Variants in DCC observed in about 807,000 individuals in gnomAD.
DCC encodes netrin receptor DCC.
Under a neutral mutation model 172.5 loss-of-function variants are expected in DCC, and 58 were observed. The ratio of observed to expected loss-of-function variants is 0.34; its 90% CI spans 0.27 to 0.42. The LOEUF (loss-of-function observed/expected upper bound fraction) is 0.42, where lower values mean the gene tolerates loss of function less well. Among genes scored for constraint, DCC ranks in the 10% least tolerant of loss-of-function variants. DCC has a pLI of 1.00. For synonymous variants in DCC, 709 were observed against 644.5 expected (o/e 1.10, Z -1.52); for missense variants, 1,740 against 1,791.0 (o/e 0.97, Z 0.51).
chr18:52,758,490 CCT>C (rs2037110376), intron 2 of DCC, among the ~76,000 whole-genome samples: 1 of 151,924 alleles, frequency 6.6e-6, no homozygotes, highest in Non-Finnish European at 1.5e-5. Flanking sequence ...TTAAAATTCC[CCT>C]GTGTTTTTAA....
chr18:53,367,896 G>T (rs1329487652), intron 15 of DCC, among the ~76,000 whole-genome samples: 2 of 152,120 alleles, frequency 1.3e-5, no homozygotes, highest in Non-Finnish European at 2.9e-5. Flanking sequence ...ATATTTCATT[G>T]TATATTGTAC....
In DCC at chr18:53,487,098, A is replaced by C. The variant is rs528419269; in HGVS notation, c.3898+140A>C. The C allele has an allele frequency of 4.5e-5, 53 of 1,177,252 alleles. No homozygotes were observed. In the East Asian group the frequency reaches 1.4e-3, roughly 30 times the overall value. The allele number at this position is 1,177,252 out of a possible 1,614,324, so 72.9% of individuals were successfully genotyped here. On this transcript the variant is annotated intron_variant, in intron 26 of 28. Coordinates refer to ENST00000442544, the MANE Select transcript of DCC (RefSeq NM_005215.4). The stretch of plus-strand genomic sequence containing the variant: ...TGGTACTAGAATGTTCCTTTCCAAC[A>C]CAGTGCTTTGGATCCTAGCTCATGT...
At chr18:52,997,714 T>A (rs2041503863) in intron 5 of DCC, among the ~76,000 whole-genome samples, 1 of 152,126 alleles carries the variant, frequency 6.6e-6, no homozygotes, top group African/African-American at 2.4e-5. Context: ...TGAAAACTAA[T>A]TTTACAAAGG....
intron 1 of DCC, among the ~76,000 whole-genome samples, chr18:52,565,446 C>A (rs996765240): frequency 1.3e-5 from 2 of 152,172 alleles, no homozygotes; most frequent in East Asian, 1.9e-4. Flanking sequence ...AACTAATTTA[C>A]ACTCCCACCA....
At chr18:52,585,175 A>G (rs62083394) in intron 1 of DCC, among the ~76,000 whole-genome samples, 10,406 of 152,308 alleles carry the variant, frequency 0.068, 443 homozygotes, top group Middle Eastern at 0.11. Flanking sequence ...CTGGTAACCA[A>G]CATGGAAACC....
chr18:52,896,574 T>A (rs1022253345), intron 2 of DCC, among the ~76,000 whole-genome samples: 1 of 152,240 alleles, frequency 6.6e-6, no homozygotes. Flanking sequence ...GACAACACCA[T>A]GTGAGTTTGA....
At chr18:52,354,358 G>A (rs1021248866) in intron 1 of DCC, among the ~76,000 whole-genome samples, 2 of 152,164 alleles carry the variant, frequency 1.3e-5, no homozygotes, top group Admixed American at 1.3e-4. Context: ...ATTAGAGAAT[G>A]ATAGCAAGGC....
At chr18:52,644,704 A>G (rs552833665) in intron 1 of DCC, among the ~76,000 whole-genome samples, 4 of 151,512 alleles carry the variant, frequency 2.6e-5, no homozygotes, top group South Asian at 2.1e-4. Context: ...GCAGTGAGCT[A>G]TCATTGTACC....
intron 1 of DCC, among the ~76,000 whole-genome samples, chr18:52,680,000 A>AG (rs2035717227): frequency 1.3e-5 from 2 of 152,118 alleles, no homozygotes; most frequent in Non-Finnish European, 2.9e-5. Context: ...GGAAAGAAAA[A>AG]AAACTACTCT....
intron 12 of DCC, among the ~76,000 whole-genome samples, chr18:53,258,663 T>G (rs970075242): frequency 1.3e-5 from 2 of 152,202 alleles, no homozygotes; most frequent in Non-Finnish European, 2.9e-5. Context: ...AGGTGTGGTG[T>G]TGTGCTGAAA....
intron 12 of DCC, among the ~76,000 whole-genome samples, chr18:53,304,341 G>T (rs1385213519): frequency 6.6e-6 from 1 of 152,038 alleles, no homozygotes; most frequent in Non-Finnish European, 1.5e-5. Context: ...CATTGTTGGG[G>T]AATTGATCAG....
intron 1 of DCC, among the ~76,000 whole-genome samples, chr18:52,706,193 T>A (rs1009086403): frequency 2.0e-5 from 3 of 151,970 alleles, no homozygotes; most frequent in Non-Finnish European, 4.4e-5. Context: ...ATAATTCTAT[T>A]AAAAAAAAGA....
chr18:52,485,723 A>T (rs905724782), intron 1 of DCC, among the ~76,000 whole-genome samples: 3 of 152,164 alleles, frequency 2.0e-5, no homozygotes, highest in Admixed American at 2.0e-4. Flanking sequence ...GTGTTAACAA[A>T]TAACTAGAGT....
At chr18:52,426,984 T>C (rs1447355357) in intron 1 of DCC, among the ~76,000 whole-genome samples, 1 of 152,150 alleles carries the variant, frequency 6.6e-6, no homozygotes, top group Non-Finnish European at 1.5e-5. Flanking sequence ...GTAGGTGCTG[T>C]TTTTAATTTG....
At chr18:52,948,120 AAG>A (rs1344276385) in intron 5 of DCC, among the ~76,000 whole-genome samples, 1 of 152,186 alleles carries the variant, frequency 6.6e-6, no homozygotes, top group African/African-American at 2.4e-5. Context: ...AAAAATCTAA[AAG>A]AATGTTGTTA....
At chr18:52,376,614 G>T (rs993775134) in intron 1 of DCC, among the ~76,000 whole-genome samples, 1 of 151,916 alleles carries the variant, frequency 6.6e-6, no homozygotes, top group Non-Finnish European at 1.5e-5. Flanking sequence ...TTAACATTCC[G>T]GGACAAACTC....
chr18:52,793,866 T>C (rs1204462191), intron 2 of DCC, among the ~76,000 whole-genome samples: 1 of 152,206 alleles, frequency 6.6e-6, no homozygotes, highest in African/African-American at 2.4e-5. Flanking sequence ...GCACTTAGTT[T>C]TCCCTGCATC....
intron 12 of DCC, among the ~76,000 whole-genome samples, chr18:53,252,112 AG>A (rs2056443144): frequency 6.6e-6 from 1 of 151,946 alleles, no homozygotes. Context: ...GTCAGATTTA[AG>A]TCAAATGATT....
chr18:53,495,476 C>A (rs191781792), intron 26 of DCC, among the ~76,000 whole-genome samples: 20 of 152,020 alleles, frequency 1.3e-4, no homozygotes, highest in African/African-American at 4.8e-4. Context: ...GAGTTTCTGC[C>A]GAGAGATCCG....
Sources: gnomAD v4.1 joint callset for allele counts (sites outside exome capture counted in the v4.1 genomes callset) on GRCh38, gnomAD v4.1.1 for gene constraint, MANE v1.5 for transcripts, NCBI Gene and HGNC (gene_info 2026-07-23, HGNC 2026-07-21) for gene names.